TMPRSS9: variants seen among roughly 807,000 people sequenced by gnomAD.
TMPRSS9 encodes transmembrane serine protease 9, also known as transmembrane protease serine 9.
A neutral mutation model predicts 111.4 loss-of-function variants in TMPRSS9; 113 were observed. The ratio of observed to expected loss-of-function variants is 1.01; its 90% confidence interval spans 0.87 to 1.19. The LOEUF (loss-of-function observed/expected upper bound fraction) is 1.19. TMPRSS9 is among the 50% of genes most tolerant of loss of function. TMPRSS9 has a pLI of 0.00. For synonymous variants in TMPRSS9, 805 were observed against 659.1 expected (o/e 1.22, Z -3.39); for missense variants, 1,803 against 1,513.1 (o/e 1.19, Z -3.18).
chr19:2,426,177 A>T, exon 18 of TMPRSS9: 1 of 1,026,114 alleles, frequency 9.7e-7, no homozygotes, highest in Non-Finnish European at 1.3e-6. Context: ...TACCCTACCC[A>T]AGGACGGGTG....
At chr19:2,418,323 C>CTTTCCTTTCCT (rs1245588781) in intron 13 of TMPRSS9, among the ~76,000 whole-genome samples, 185 bp downstream of exon 14, 1 of 41,954 alleles carries the variant, frequency 2.4e-5, no homozygotes, top group African/African-American at 2.4e-4. Context: ...CCCTCCCTCC[C>CTTTCCTTTCCT]TCCCTCCCTT....
intron 1 of TMPRSS9, among the ~76,000 whole-genome samples, chr19:2,368,377 G>T (rs936576049): frequency 6.6e-6 from 1 of 152,134 alleles, no homozygotes; most frequent in Non-Finnish European, 1.5e-5. Flanking sequence ...GTATAGCTGA[G>T]GATGTCAGGC....
chr19:2,415,818 G>C (rs1012714448), exon 11 of TMPRSS9: 15 of 1,600,644 alleles, frequency 9.4e-6, no homozygotes, highest in Non-Finnish European at 1.2e-5. Context: ...GCTGGCTGCT[G>C]TCTGCCGCCC....
intron 1 of TMPRSS9, among the ~76,000 whole-genome samples, chr19:2,379,609 TTCTTTC>T (rs1486989807): frequency 1.2e-4 from 17 of 137,520 alleles, no homozygotes; most frequent in African/African-American, 3.4e-4. Flanking sequence ...TAAACTAACT[TTCTTTC>T]TCTTTCTTTC....
intron 1 of TMPRSS9, among the ~76,000 whole-genome samples, chr19:2,371,138 G>A (rs912880857): frequency 3.3e-5 from 5 of 152,128 alleles, no homozygotes; most frequent in Non-Finnish European, 7.4e-5. Context: ...ACAGACACTG[G>A]CAGGTCTCAG....
chr19:2,406,014 C>CT (rs749624348), intron 7 of TMPRSS9, among the ~76,000 whole-genome samples: 1,949 of 95,506 alleles, frequency 0.02, 37 homozygotes, highest in East Asian at 0.1. Flanking sequence ...TTCTTTCTTT[C>CT]TTTTTTTTTT....
intron 13 of TMPRSS9, 41 bp from the exon 15 acceptor site, chr19:2,421,813 G>A: frequency 1.3e-6 from 2 of 1,545,328 alleles, no homozygotes; most frequent in South Asian, 1.2e-5. Context: ...GGAAGAGAGG[G>A]TCCCTGGAGG....
intron 9 of TMPRSS9, among the ~76,000 whole-genome samples, chr19:2,412,439 C>T (rs1432041179): frequency 6.6e-6 from 1 of 152,096 alleles, no homozygotes. Flanking sequence ...TCGCTCAATT[C>T]TTGCCGTGAT....
exon 14 of TMPRSS9, chr19:2,422,175 G>T (rs564933518): frequency 1.3e-6 from 2 of 1,570,308 alleles, no homozygotes; most frequent in African/African-American, 2.7e-5. Context: ...CTTATCTGCC[G>T]TGAGCACCAC....
chr19:2,398,915 T>C (rs1970767309), intron 3 of TMPRSS9, 53 bp downstream of exon 4: 3 of 1,531,102 alleles, frequency 2.0e-6, no homozygotes, highest in African/African-American at 2.7e-5. Flanking sequence ...TCTGGGAGTT[T>C]CTGGAGGAGT....
chr19:2,385,215 T>TCGCGGGGGCGGGGCC (rs1233797692), upstream of TMPRSS9, among the ~76,000 whole-genome samples: 1 of 73,818 alleles, frequency 1.4e-5, no homozygotes, highest in African/African-American at 6.8e-5. Context: ...GGGGCGGGGC[T>TCGCGGGGGCGGGGCC]CGAGGGGGCG....
chr19:2,396,947 G>A (rs1331721089), intron 2 of TMPRSS9, among the ~76,000 whole-genome samples: 1 of 151,452 alleles, frequency 6.6e-6, no homozygotes, highest in East Asian at 1.9e-4. Context: ...TTGAGACGGA[G>A]TCTCACTCTG....
At chr19:2,365,056 C>T (rs1011326949) in intron 1 of TMPRSS9, among the ~76,000 whole-genome samples, 4 of 151,556 alleles carry the variant, frequency 2.6e-5, no homozygotes, top group African/African-American at 9.7e-5. Context: ...TTCTGTTCTA[C>T]GTTGCAATCC....
At chr19:2,405,150 C>T (rs1012176103) in intron 6 of TMPRSS9, among the ~76,000 whole-genome samples, 2 of 152,026 alleles carry the variant, frequency 1.3e-5, no homozygotes, top group South Asian at 2.1e-4. Flanking sequence ...CACTGGTGCA[C>T]GTGACCTTGA....
At chr19:2,420,113 G>C (rs1216515621) in intron 13 of TMPRSS9, among the ~76,000 whole-genome samples, 1 of 152,040 alleles carries the variant, frequency 6.6e-6, no homozygotes, top group East Asian at 1.9e-4. Flanking sequence ...AGTAAACTGT[G>C]ATCACACAGC....
chr19:2,424,318 G>A (rs1971543863), intron 15 of TMPRSS9, 61 bp downstream of exon 16: 3 of 1,287,884 alleles, frequency 2.3e-6, no homozygotes, highest in Non-Finnish European at 9.9e-7. Flanking sequence ...GAACCGAACT[G>A]TTGCCCGAAA....
intron 10 of TMPRSS9, among the ~76,000 whole-genome samples, chr19:2,415,030 C>A (rs183111359): frequency 1.9e-3 from 291 of 149,662 alleles, no homozygotes; most frequent in African/African-American, 6.9e-3. Context: ...ACTGCAACCT[C>A]CACCTCCCGG....
At chr19:2,401,925 G>A (rs750083626) in intron 4 of TMPRSS9, 50 bp from the exon 6 acceptor site, 51 of 1,574,722 alleles carry the variant, frequency 3.2e-5, no homozygotes, top group African/African-American at 4.1e-5. Flanking sequence ...TGTGTTCAAA[G>A]GGTTTTACCG....
At chr19:2,411,643 C>A (rs1183313485) in intron 9 of TMPRSS9, among the ~76,000 whole-genome samples, 1 of 152,066 alleles carries the variant, frequency 6.6e-6, no homozygotes, top group Non-Finnish European at 1.5e-5. Flanking sequence ...GGCTCACCTC[C>A]CAGTTTCAAG....
Sources: allele counts gnomAD v4.1 joint callset (sites outside exome capture counted in the v4.1 genomes callset), GRCh38; gene constraint gnomAD v4.1.1; transcripts MANE v1.5; gene names NCBI Gene and HGNC (gene_info 2026-07-23, HGNC 2026-07-21).